The following SPATA16 variants were observed in gnomAD, a reference collection of about 807,000 sequenced individuals.
The protein encoded by SPATA16 is spermatogenesis-associated protein 16.
Under a neutral mutation model 63.3 loss-of-function variants are expected in SPATA16, and 36 were observed. The observed-to-expected ratio is 0.57, with a 90% CI of 0.44 to 0.75. SPATA16 has a LOEUF of 0.75. Among genes scored for constraint, SPATA16 ranks in the 30% least tolerant of loss-of-function variants. SPATA16 has a pLI of 0.00. For missense variants in SPATA16, 646 were observed against 679.3 expected, an observed-to-expected ratio of 0.95 and a Z score of 0.54; for synonymous variants, 203 against 216.7, an observed-to-expected ratio of 0.94 and a Z score of 0.56.
chr3:172,986,513 G>A lies in SPATA16; in HGVS notation c.849-9461C>T, dbSNP rs367812616. Among the ~76,000 whole-genome samples the A allele has an allele frequency of 1.2e-4, 18 of 152,228 alleles. 3 individuals carry two copies. Among genetic ancestry groups the A allele is most frequent in the Admixed American group, 3.3e-4 (5 of 15,280 alleles). ...GGTGGTATTCAGGGAGGGGCACCTAGGTCAGCTTAAAATGATGAGTAGGAG... is the reference window on the plus strand; with the variant it reads ...GGTGGTATTCAGGGAGGGGCACCTAAGTCAGCTTAAAATGATGAGTAGGAG... On this transcript the variant is annotated intron_variant, in intron 4 of 10. Transcript: ENST00000351008.
chr3:172,968,409 T>G (rs1356062560), intron 5 of SPATA16, among the ~76,000 whole-genome samples: 1 of 152,184 alleles, frequency 6.6e-6, no homozygotes, highest in Non-Finnish European at 1.5e-5. Flanking sequence ...AATGCTCAAC[T>G]CATTTTCGAA....
intron 5 of SPATA16, among the ~76,000 whole-genome samples, chr3:172,963,394 T>C (rs1478901474): frequency 6.6e-6 from 1 of 152,046 alleles, no homozygotes; most frequent in Non-Finnish European, 1.5e-5. Context: ...GACTTTTATA[T>C]AGCTTTTTTG....
chr3:172,940,474 A>G (rs1428667140), intron 6 of SPATA16, among the ~76,000 whole-genome samples: 2 of 152,232 alleles, frequency 1.3e-5, no homozygotes, highest in African/African-American at 4.8e-5. Context: ...GCTTTCCGAA[A>G]TCTTGAGAAA....
Position 173,117,256 on chromosome 3 carries a change from T to TCTA in SPATA16, c.473_475dup (p.Val158dup). The TCTA allele has an allele frequency of 6.2e-7, 1 of 1,614,048 alleles. No homozygotes were observed. Among genetic ancestry groups the TCTA allele is most frequent in the Non-Finnish European group, 8.5e-7 (1 of 1,180,000 alleles). ...GCTGAAATTATGTACACTCAAAGGG[T>TCTA]CTACTATTTCAGCAGCTTGGCATGT... On this transcript the variant is annotated inframe_insertion, in exon 2 of 11. Transcript: ENST00000351008.
intron 1 of SPATA16, among the ~76,000 whole-genome samples, chr3:173,124,337 C>T (rs1277763927): frequency 6.6e-6 from 1 of 152,192 alleles, no homozygotes; most frequent in Non-Finnish European, 1.5e-5. Flanking sequence ...TGATCGGATA[C>T]ATGAGAATCA....
chr3:173,136,757 C>G (rs377259091), intron 1 of SPATA16, among the ~76,000 whole-genome samples: 111 of 152,280 alleles, frequency 7.3e-4, no homozygotes, highest in Middle Eastern at 3.4e-3. Context: ...AATGACCAGA[C>G]CAATGACCGC....
At chr3:173,000,120 G>A (rs1041786413) in intron 4 of SPATA16, among the ~76,000 whole-genome samples, 1 of 152,156 alleles carries the variant, frequency 6.6e-6, no homozygotes. Flanking sequence ...TCCAGAATGG[G>A]AATAATGTTT....
chr3:172,971,839 C>T (rs1350295457), intron 5 of SPATA16, among the ~76,000 whole-genome samples: 1 of 151,998 alleles, frequency 6.6e-6, no homozygotes, highest in Non-Finnish European at 1.5e-5. Context: ...GCAGTAAATG[C>T]CTCCTGGTAG....
intron 10 of SPATA16, among the ~76,000 whole-genome samples, chr3:172,910,339 G>A (rs909123031): frequency 6.6e-5 from 10 of 152,134 alleles, no homozygotes; most frequent in Non-Finnish European, 1.2e-4. Flanking sequence ...TGATCCGCCC[G>A]CCTTGGCCTT....
chr3:172,987,581 G>C (rs1333445769), intron 4 of SPATA16, among the ~76,000 whole-genome samples: 2 of 152,186 alleles, frequency 1.3e-5, no homozygotes, highest in East Asian at 3.8e-4. Context: ...GGGATCAAAG[G>C]AAAGGAAACA....
intron 4 of SPATA16, among the ~76,000 whole-genome samples, chr3:172,997,697 C>T (rs367674447): frequency 2.6e-5 from 4 of 151,912 alleles, no homozygotes; most frequent in African/African-American, 7.3e-5. Flanking sequence ...AAGATTTTGT[C>T]CTATGTTATC....
At chr3:173,069,123 A>AAAAG (rs1330221593) in intron 2 of SPATA16, among the ~76,000 whole-genome samples, 2 of 151,364 alleles carry the variant, frequency 1.3e-5, no homozygotes, top group East Asian at 1.9e-4. Flanking sequence ...AAAAAAAAAA[A>AAAAG]AAAGAAAGAA....
intron 3 of SPATA16, among the ~76,000 whole-genome samples, chr3:173,021,172 T>C (rs976177788): frequency 2.0e-5 from 3 of 152,228 alleles, no homozygotes; most frequent in Admixed American, 6.5e-5. Context: ...GATGATGAGA[T>C]GGATCGACTG....
In SPATA16 at chr3:173,041,070, T is replaced by C. The variant is rs1458830607; in HGVS notation, c.758+7879A>G. Reference sequence around the variant, plus strand: ...TTTAATGTGATCTTCAGAGGAAGCATATTTTTATAGGTGGATTTATTTTGG... The same window carrying C: ...TTTAATGTGATCTTCAGAGGAAGCACATTTTTATAGGTGGATTTATTTTGG... On this transcript the variant is annotated intron_variant, in intron 3 of 10. Coordinates refer to ENST00000351008, the MANE Select transcript of SPATA16 (RefSeq NM_031955.6). Among the ~76,000 whole-genome samples the C allele has an allele frequency of 2.0e-5, 3 of 152,164 alleles. No homozygotes were observed. In the East Asian group the frequency reaches 5.8e-4, roughly 29 times the overall value.
At chr3:173,031,657 A>G (rs1477764004) in intron 3 of SPATA16, among the ~76,000 whole-genome samples, 1 of 152,084 alleles carries the variant, frequency 6.6e-6, no homozygotes, top group African/African-American at 2.4e-5. Context: ...AAATGAGAAT[A>G]GAAAGAAAAC....
chr3:173,104,822 C>T (rs1397795522), intron 2 of SPATA16, among the ~76,000 whole-genome samples: 1 of 152,194 alleles, frequency 6.6e-6, no homozygotes, highest in Non-Finnish European at 1.5e-5. Flanking sequence ...TATTCCCTCT[C>T]TCTATGGACT....
intron 1 of SPATA16, among the ~76,000 whole-genome samples, chr3:173,121,037 T>G (rs1738053122): frequency 6.6e-6 from 1 of 152,184 alleles, no homozygotes; most frequent in Non-Finnish European, 1.5e-5. Context: ...AGATCAATTA[T>G]TCCCAATATA....
chr3:172,975,423 G>GCTGAATATTTT (rs1734132017), intron 5 of SPATA16, among the ~76,000 whole-genome samples: 1 of 152,180 alleles, frequency 6.6e-6, no homozygotes, highest in African/African-American at 2.4e-5. Context: ...TGCCAGGCCT[G>GCTGAATATTTT]CTGAATATTT....
intron 2 of SPATA16, 74 bp from the exon 3 acceptor site, chr3:173,049,168 T>C (rs771348465): frequency 2.0e-6 from 3 of 1,472,442 alleles, no homozygotes; most frequent in Non-Finnish European, 2.8e-6. Flanking sequence ...GCAAAACATG[T>C]GTATGTTTTA....
Sources: gnomAD v4.1 joint callset for allele counts (sites outside exome capture counted in the v4.1 genomes callset) on GRCh38, gnomAD v4.1.1 for gene constraint, MANE v1.5 for transcripts, NCBI Gene and HGNC (gene_info 2026-07-23, HGNC 2026-07-21) for gene names.